Variants in SLMAP observed in about 807,000 individuals in gnomAD.
SLMAP encodes sarcolemmal membrane-associated protein.
In SLMAP, 44 loss-of-function variants were observed where a neutral mutation model predicts 128.8. The observed-to-expected ratio is 0.34, with a 90% confidence interval of 0.27 to 0.44. The LOEUF is 0.44. Ranked by LOEUF, SLMAP falls within the 20% of genes least tolerant of loss-of-function variation. The probability of loss-of-function intolerance (pLI) is 1.00; values close to 1 mark genes in which losing one functional copy is unlikely to be tolerated. For missense variants in SLMAP, 787 were observed against 985.3 expected, an observed-to-expected ratio of 0.80 and a Z score of 2.69; for synonymous variants, 327 against 348.8, an observed-to-expected ratio of 0.94 and a Z score of 0.70.
intron 15 of SLMAP, among the ~76,000 whole-genome samples, chr3:57,892,596 A>G (rs1460816782): frequency 6.6e-6 from 1 of 152,124 alleles, no homozygotes; most frequent in South Asian, 2.1e-4. Context: ...ATTTGCCTCT[A>G]TGTAACTATA....
chr3:57,884,430 C>G (rs900339939), intron 14 of SLMAP, among the ~76,000 whole-genome samples: 1 of 152,074 alleles, frequency 6.6e-6, no homozygotes, highest in East Asian at 1.9e-4. Context: ...TCAGAATGCT[C>G]GTCAACAGGC....
At chr3:57,763,581 A>G (rs1329940992) in intron 2 of SLMAP, among the ~76,000 whole-genome samples, 4 of 151,956 alleles carry the variant, frequency 2.6e-5, no homozygotes, top group African/African-American at 9.7e-5. Flanking sequence ...GGCCTAGTGC[A>G]TCTTTTTGAG....
chr3:57,813,916 G>C (rs2091442784), intron 2 of SLMAP, among the ~76,000 whole-genome samples: 1 of 151,214 alleles, frequency 6.6e-6, no homozygotes, highest in Non-Finnish European at 1.5e-5. Flanking sequence ...TTTTAGGCTT[G>C]AGAGTTTTGG....
intron 6 of SLMAP, among the ~76,000 whole-genome samples, chr3:57,854,068 T>TTA (rs10656429): frequency 0.55 from 67,668 of 123,576 alleles, 19,441 homozygotes; most frequent in East Asian, 0.96. Context: ...ATATAACACA[T>TTA]TATATATATA....
chr3:57,865,392 G>T (rs1430192899), intron 13 of SLMAP, 100 bp downstream of exon 13: 1 of 473,054 alleles, frequency 2.1e-6, no homozygotes. Context: ...GGAATGAAAA[G>T]CATGCTCTCA....
intron 15 of SLMAP, among the ~76,000 whole-genome samples, chr3:57,895,762 C>A (rs967760490): frequency 1.3e-5 from 2 of 151,968 alleles, no homozygotes; most frequent in African/African-American, 4.8e-5. Context: ...GGCAACATAG[C>A]AAGACCTCAT....
chr3:57,858,055 G>A (rs776832977), intron 7 of SLMAP, 33 bp from the exon 8 acceptor site: 24 of 1,308,628 alleles, frequency 1.8e-5, no homozygotes, highest in Non-Finnish European at 2.4e-5. Flanking sequence ...ATAATTACTC[G>A]GGTTTTACTT....
chr3:57,906,050 T>TAAAAAAA (rs1168626870), intron 17 of SLMAP, among the ~76,000 whole-genome samples: 8 of 105,982 alleles, frequency 7.5e-5, no homozygotes, highest in Non-Finnish European at 1.3e-4. Context: ...AAATACTCCT[T>TAAAAAAA]AAAAAAAAAA....
chr3:57,806,211 C>G (rs956560311), intron 2 of SLMAP, among the ~76,000 whole-genome samples: 2 of 151,970 alleles, frequency 1.3e-5, no homozygotes, highest in African/African-American at 4.8e-5. Context: ...TCCCTTCGCC[C>G]CCTGCCCCCC....
At chr3:57,820,317 A>G (rs2092384562) in intron 2 of SLMAP, among the ~76,000 whole-genome samples, 1 of 152,192 alleles carries the variant, frequency 6.6e-6, no homozygotes, top group Non-Finnish European at 1.5e-5. Flanking sequence ...GATGTCTAAA[A>G]GATTGAGTTT....
chr3:57,870,878 C>T (rs1560344640), intron 13 of SLMAP, among the ~76,000 whole-genome samples: 1 of 152,168 alleles, frequency 6.6e-6, no homozygotes, highest in African/African-American at 2.4e-5. Flanking sequence ...GGACATTATC[C>T]AGATTCAGAA....
Position 57,927,234 on chromosome 3 carries a change from G to A in SLMAP, c.*7-62G>A, listed in dbSNP as rs1474511012. On this transcript the variant is annotated intron_variant, in intron 24 of 24. Transcript: ENST00000671191. Reference sequence around the variant, plus strand: ...ATTCAGGACTCTCTGGAACCAAGGGGTTAATAGGTATGAAAAGAGAGGGGA... The same window carrying A: ...ATTCAGGACTCTCTGGAACCAAGGGATTAATAGGTATGAAAAGAGAGGGGA... 4 of 1,026,698 alleles carry A rather than the reference G, an allele frequency of 3.9e-6. No homozygotes were observed. The South Asian group carries it at 5.6e-5, about 14-fold the overall frequency. 63.6% of individuals were successfully genotyped at this position (1,026,698 alleles called of 1,614,324 possible).
At chr3:57,759,577 T>G in intron 2 of SLMAP, among the ~76,000 whole-genome samples, 1 of 152,182 alleles carries the variant, frequency 6.6e-6, no homozygotes, top group Non-Finnish European at 1.5e-5. Flanking sequence ...CACCTGGCCC[T>G]CATAATTCTT....
intron 2 of SLMAP, among the ~76,000 whole-genome samples, chr3:57,802,238 C>G (rs150913009): frequency 0.011 from 1,649 of 152,070 alleles, 13 homozygotes; most frequent in Non-Finnish European, 0.018. Flanking sequence ...AATTCTATAT[C>G]CCAGCCCCAG....
intron 13 of SLMAP, among the ~76,000 whole-genome samples, chr3:57,870,634 T>C (rs1182316736): frequency 1.3e-5 from 2 of 152,104 alleles, no homozygotes; most frequent in South Asian, 4.1e-4. Flanking sequence ...ATGATCTAAG[T>C]AGGTAGTGTC....
At chr3:57,810,687 G>C (rs1217133143) in intron 2 of SLMAP, among the ~76,000 whole-genome samples, 4 of 152,164 alleles carry the variant, frequency 2.6e-5, no homozygotes, top group Non-Finnish European at 5.9e-5. Context: ...GTGGCTTTCA[G>C]ATTATTTCCA....
chr3:57,896,674 A>C, intron 16 of SLMAP, 83 bp downstream of exon 16: 2 of 1,250,820 alleles, frequency 1.6e-6, no homozygotes, highest in South Asian at 2.9e-5. Context: ...GAGATTTCAA[A>C]GTATGTGTTT....
At chr3:57,876,733 T>C (rs2095612517) in intron 14 of SLMAP, among the ~76,000 whole-genome samples, 1 of 152,244 alleles carries the variant, frequency 6.6e-6, no homozygotes, top group Non-Finnish European at 1.5e-5. Flanking sequence ...GTTTCATACA[T>C]ATCCATGAAC....
In SLMAP at chr3:57,862,099, T is replaced by G; in HGVS notation, c.966+13T>G. On this transcript the variant is annotated intron_variant, in intron 10 of 24. Coordinates refer to ENST00000671191, the MANE Select transcript of SLMAP (RefSeq NM_001377540.1). ...TGATAAATTAAAGGTATGTATTTAC[T>G]CTGCCTGAAAGTATGTTAAGCTAAT... The G allele has an allele frequency of 6.5e-7, 1 of 1,550,374 alleles. No individual in the cohort carries two copies. Among genetic ancestry groups the G allele is most frequent in the Non-Finnish European group, 8.9e-7 (1 of 1,125,466 alleles).
Sources: gnomAD v4.1 joint callset for allele counts (sites outside exome capture counted in the v4.1 genomes callset) on GRCh38, gnomAD v4.1.1 for gene constraint, MANE v1.5 for transcripts, NCBI Gene and HGNC (gene_info 2026-07-23, HGNC 2026-07-21) for gene names.